The following PCDH15 variants were observed in gnomAD, a reference collection of about 807,000 sequenced individuals.
The protein encoded by PCDH15 is protocadherin-15.
PCDH15 carries 129 observed loss-of-function variants against 178.5 expected under a neutral mutation model. The observed-to-expected ratio is 0.72, with a 90% confidence interval of 0.63 to 0.84. The LOEUF is 0.84. Ranked by LOEUF, PCDH15 falls within the 40% of genes least tolerant of loss-of-function variation. The pLI is 0.00. For synonymous variants in PCDH15, 800 were observed against 732.0 expected (o/e 1.09, Z -1.50); for missense variants, 2,230 against 2,099.9 (o/e 1.06, Z -1.21).
intron 8 of PCDH15, among the ~76,000 whole-genome samples, chr10:54,293,228 A>G (rs949515938): frequency 6.6e-6 from 1 of 152,210 alleles, no homozygotes; most frequent in African/African-American, 2.4e-5. Flanking sequence ...ACGATTCCCT[A>G]TTTAATAAAT....
chr10:55,607,395 TG>T (rs1461636779), intron 2 of PCDH15, among the ~76,000 whole-genome samples: 1 of 139,978 alleles, frequency 7.1e-6, no homozygotes, highest in Non-Finnish European at 1.5e-5. Context: ...ATCCCATTAC[TG>T]GGTATATACC....
At chr10:54,480,119 C>A (rs879569381) in intron 3 of PCDH15, among the ~76,000 whole-genome samples, 5 of 152,090 alleles carry the variant, frequency 3.3e-5, no homozygotes, top group Non-Finnish European at 7.4e-5. Flanking sequence ...TTGGTAGAAT[C>A]ACGATCAAGT....
intron 2 of PCDH15, among the ~76,000 whole-genome samples, chr10:54,628,491 TACAGGG>T (rs2093618245): frequency 6.6e-6 from 1 of 152,190 alleles, no homozygotes; most frequent in Admixed American, 6.5e-5. Flanking sequence ...AGTTAAAAGG[TACAGGG>T]AAGCAGACAA....
At chr10:54,480,828 G>A (rs1475475739) in intron 3 of PCDH15, among the ~76,000 whole-genome samples, 1 of 151,888 alleles carries the variant, frequency 6.6e-6, no homozygotes, top group African/African-American at 2.4e-5. Context: ...CTGAAGACAA[G>A]TGTTCCTTTT....
Position 55,190,595 on chromosome 10 carries a change from TTAA to T in PCDH15, c.-155-23947_-155-23945del, listed in dbSNP as rs910603945. On this transcript the variant is annotated intron_variant, in intron 1 of 5. Coordinates refer to the PCDH15 transcript ENST00000458638. ...CATAAACTGGTCACAAAAATACTGT[TTAA>T]TAATAATTTAATAATTGACCAAGTG... Among the ~76,000 whole-genome samples the T allele has an allele frequency of 3.3e-5, 5 of 151,830 alleles. No homozygotes were observed. In the South Asian group the frequency reaches 8.3e-4, roughly 25 times the overall value.
intron 8 of PCDH15, among the ~76,000 whole-genome samples, chr10:54,280,793 TG>T (rs772589568): frequency 5.0e-4 from 76 of 151,992 alleles, no homozygotes; most frequent in Non-Finnish European, 9.3e-4. Context: ...ATTAAGTAAT[TG>T]TTCTATTTCT....
intron 17 of PCDH15, among the ~76,000 whole-genome samples, chr10:54,068,277 G>T (rs1015438727): frequency 1.3e-5 from 2 of 152,068 alleles, no homozygotes; most frequent in Non-Finnish European, 2.9e-5. Context: ...GGGAATTCCT[G>T]GGTATTAGTG....
At chr10:55,216,806 T>C (rs1840715946) in intron 1 of PCDH15, among the ~76,000 whole-genome samples, 1 of 151,908 alleles carries the variant, frequency 6.6e-6, no homozygotes, top group Non-Finnish European at 1.5e-5. Context: ...TTGAGAAATA[T>C]AGAAGTCTGT....
At chr10:54,825,018 C>A (rs1325285094) in intron 3 of PCDH15, among the ~76,000 whole-genome samples, 1 of 151,996 alleles carries the variant, frequency 6.6e-6, no homozygotes, top group African/African-American at 2.4e-5. Flanking sequence ...TGCTATCCCT[C>A]CCCCCTCCTC....
intron 3 of PCDH15, among the ~76,000 whole-genome samples, chr10:54,431,977 C>A (rs1957020547): frequency 6.6e-6 from 1 of 151,694 alleles, no homozygotes; most frequent in South Asian, 2.1e-4. Context: ...TTTACAATAG[C>A]CACAAATAAA....
chr10:55,104,490 G>A (rs1842633906), intron 2 of PCDH15, among the ~76,000 whole-genome samples: 1 of 151,832 alleles, frequency 6.6e-6, no homozygotes, highest in South Asian at 2.1e-4. Context: ...TGAGTCCATG[G>A]GTATGCTTTT....
chr10:55,529,090 T>A (rs1184341995), intron 2 of PCDH15, among the ~76,000 whole-genome samples: 1 of 152,132 alleles, frequency 6.6e-6, no homozygotes, highest in Non-Finnish European at 1.5e-5. Flanking sequence ...TTTTTTCTTG[T>A]AAATTTGTTT....
chr10:55,064,930 T>C (rs189155443), intron 2 of PCDH15, among the ~76,000 whole-genome samples: 89 of 152,164 alleles, frequency 5.8e-4, no homozygotes, highest in Middle Eastern at 3.4e-3. Context: ...ATTATCACAA[T>C]AAATAGAATA....
At chr10:55,072,619 C>T (rs1377664008) in intron 2 of PCDH15, among the ~76,000 whole-genome samples, 2 of 151,958 alleles carry the variant, frequency 1.3e-5, no homozygotes, top group Non-Finnish European at 2.9e-5. Flanking sequence ...GCTTACCAAC[C>T]AAAAAGAGTC....
chr10:54,315,282 C>T (rs1184623832), intron 8 of PCDH15, among the ~76,000 whole-genome samples: 3 of 152,098 alleles, frequency 2.0e-5, no homozygotes, highest in Admixed American at 2.0e-4. Context: ...ATTTCTCTAA[C>T]GATTAGTGAC....
chr10:55,335,350 G>A (rs1844355772), intron 2 of PCDH15, among the ~76,000 whole-genome samples: 1 of 152,196 alleles, frequency 6.6e-6, no homozygotes, highest in Non-Finnish European at 1.5e-5. Context: ...GAGAGTGTCA[G>A]AGAGGGAAAG....
At chr10:53,822,118 C>G in intron 32 of PCDH15, 1 of 1,613,472 alleles carries the variant, frequency 6.2e-7, no homozygotes, top group Non-Finnish European at 8.5e-7. Flanking sequence ...GTTTTACACA[C>G]TGTCGTTGTT....
intron 3 of PCDH15, among the ~76,000 whole-genome samples, chr10:54,399,744 A>C (rs2135456285): frequency 6.6e-6 from 1 of 152,210 alleles, no homozygotes; most frequent in East Asian, 1.9e-4. Flanking sequence ...CCTCAGCAGT[A>C]AGACGCTGGG....
At position 55,061,180 on chromosome 10, in the gene PCDH15, TG is replaced by T. The variant is rs1841420064; in HGVS notation, c.-80+105395del. Among the ~76,000 whole-genome samples, 3 of 152,100 alleles carry T rather than the reference TG, an allele frequency of 2.0e-5. No individual in the cohort carries two copies. The South Asian group carries it at 6.2e-4, about 31-fold the overall frequency. On this transcript the variant is annotated intron_variant, in intron 2 of 5. Transcript: ENST00000458638. The stretch of plus-strand genomic sequence containing the variant: ...TGAGAAGACACATCTAATAAAGTAA[TG>T]TTAGGCAAACATACATAGAAACTTT...
Sources: allele counts gnomAD v4.1 joint callset (sites outside exome capture counted in the v4.1 genomes callset), GRCh38; gene constraint gnomAD v4.1.1; transcripts MANE v1.5; gene names NCBI Gene and HGNC (gene_info 2026-07-23, HGNC 2026-07-21).